Variants in SORCS2 observed in about 807,000 individuals in gnomAD.
SORCS2 encodes sortilin related VPS10 domain containing receptor 2.
SORCS2 carries 100 observed loss-of-function variants against 141.6 expected under a neutral mutation model. The observed-to-expected ratio is 0.71, with a 90% CI of 0.60 to 0.83. The LOEUF (loss-of-function observed/expected upper bound fraction) is 0.83, where lower values mean the gene tolerates loss of function less well. Ranked by LOEUF, SORCS2 falls within the 40% of genes least tolerant of loss-of-function variation. SORCS2 has a pLI of 0.00. For missense variants in SORCS2, 1,646 were observed against 1,560.2 expected (o/e 1.05, Z -0.93); for synonymous variants, 789 against 676.9 (o/e 1.17, Z -2.57).
intron 1 of SORCS2, among the ~76,000 whole-genome samples, chr4:7,309,748 TTGG>T (rs1718064534): frequency 6.6e-6 from 1 of 151,886 alleles, no homozygotes; most frequent in Non-Finnish European, 1.5e-5. Flanking sequence ...GGGACGAGAG[TTGG>T]CCCAGCTGTG....
intron 2 of SORCS2, among the ~76,000 whole-genome samples, chr4:7,515,538 C>A (rs1357461727): frequency 6.6e-6 from 1 of 152,216 alleles, no homozygotes. Flanking sequence ...GGAGGAGGAG[C>A]AGCTTCCTCA....
intron 2 of SORCS2, among the ~76,000 whole-genome samples, chr4:7,500,690 A>G (rs1731911962): frequency 6.6e-6 from 1 of 152,016 alleles, no homozygotes; most frequent in Non-Finnish European, 1.5e-5. Flanking sequence ...TGTGGGTGTG[A>G]TAGAGAGGAA....
intron 4 of SORCS2, among the ~76,000 whole-genome samples, chr4:7,645,883 C>T (rs1273871101): frequency 6.6e-6 from 1 of 152,230 alleles, no homozygotes; most frequent in Non-Finnish European, 1.5e-5. Context: ...TACACCATCT[C>T]TGTGCACCAC....
chr4:7,714,191 G>A (rs1726028787), intron 15 of SORCS2, 49 bp from the exon 16 acceptor site: 1 of 1,580,718 alleles, frequency 6.3e-7, no homozygotes, highest in African/African-American at 1.3e-5. Context: ...GCCTTGTAGA[G>A]CAGTTGCCCT....
intron 1 of SORCS2, among the ~76,000 whole-genome samples, chr4:7,374,678 G>T (rs1722517825): frequency 6.6e-6 from 1 of 152,208 alleles, no homozygotes; most frequent in East Asian, 1.9e-4. Context: ...CCCGATCGCT[G>T]AACAGCCCAC....
In SORCS2 at chr4:7,400,514, C is replaced by G. The variant is rs77576060; in HGVS notation, c.548+4159C>G. Among the ~76,000 whole-genome samples, 1,515 of 152,040 alleles carry G rather than the reference C, an allele frequency of 1.0e-2. 22 individuals are homozygous for G. The highest frequency in any genetic ancestry group is 0.035 in the African/African-American group (1,463 of 41,414). On this transcript the variant is annotated intron_variant, in intron 2 of 26. Transcript: ENST00000507866. ...CTAGAACATAGGCTGGTTGAGGATG[C>G]GAGGATGGAGACCTGCCAGGTTTAT...
chr4:7,614,704 C>T (rs1215457799), intron 3 of SORCS2, among the ~76,000 whole-genome samples: 2 of 151,710 alleles, frequency 1.3e-5, no homozygotes, highest in Admixed American at 6.6e-5. Flanking sequence ...ACCTATCCAC[C>T]CATCCACCAC....
chr4:7,458,448 T>C (rs1729063676), intron 2 of SORCS2, among the ~76,000 whole-genome samples: 1 of 152,060 alleles, frequency 6.6e-6, no homozygotes, highest in South Asian at 2.1e-4. Flanking sequence ...AAGAAGGATG[T>C]GGGGAAACCG....
At chr4:7,607,543 A>G (rs547626211) in intron 3 of SORCS2, among the ~76,000 whole-genome samples, 100 of 152,220 alleles carry the variant, frequency 6.6e-4, no homozygotes, top group African/African-American at 7.9e-4. Context: ...TCATCCTTAC[A>G]ACAGCCCTGA....
At chr4:7,473,853 G>T (rs540898511) in intron 2 of SORCS2, among the ~76,000 whole-genome samples, 23 of 152,252 alleles carry the variant, frequency 1.5e-4, no homozygotes, top group Admixed American at 9.2e-4. Flanking sequence ...GGCGGGGTCT[G>T]GGGGGAGAGG....
chr4:7,441,573 A>C (rs1011416466), intron 2 of SORCS2, among the ~76,000 whole-genome samples: 2 of 151,918 alleles, frequency 1.3e-5, no homozygotes, highest in Non-Finnish European at 2.9e-5. Flanking sequence ...TGAGAAGCCA[A>C]GGAAGGGTAG....
chr4:7,270,207 C>T (rs897429627), intron 1 of SORCS2, among the ~76,000 whole-genome samples: 10 of 152,238 alleles, frequency 6.6e-5, no homozygotes, highest in Non-Finnish European at 1.3e-4. Context: ...CATCCAGAGG[C>T]ATATGTGATG....
intron 2 of SORCS2, among the ~76,000 whole-genome samples, chr4:7,485,546 G>A (rs1440238866): frequency 1.3e-5 from 2 of 152,238 alleles, no homozygotes; most frequent in Non-Finnish European, 2.9e-5. Flanking sequence ...TCTCCCTGGC[G>A]GCTCTTGTTA....
At position 7,740,727 on chromosome 4, in the gene SORCS2, C is replaced by G. The variant is rs1322588350; in HGVS notation, c.*463C>G. On this transcript the variant is annotated 3_prime_UTR_variant, in exon 27 of 27. Coordinates refer to ENST00000507866, the MANE Select transcript of SORCS2 (RefSeq NM_020777.3). ...TCTTCACTCCCACCTGTGCGGCCAC[C>G]CAGTCCCTCTGTGGGAGCCCGGGTG... is the stretch of plus-strand genomic sequence containing the variant. The G allele has an allele frequency of 9.8e-6, 3 of 307,512 alleles. No homozygotes were observed. Among genetic ancestry groups the G allele is most frequent in the African/African-American group, 6.4e-5 (3 of 47,190 alleles). 19.0% of individuals were successfully genotyped at this position (307,512 alleles called of 1,614,324 possible).
chr4:7,496,750 A>T (rs28496923), intron 2 of SORCS2, among the ~76,000 whole-genome samples: 9,024 of 152,152 alleles, frequency 0.059, 672 homozygotes, highest in African/African-American at 0.17. Flanking sequence ...GGGAAAGTCC[A>T]CGGCGGAATC....
At chr4:7,521,899 C>T (rs367904908) in intron 2 of SORCS2, among the ~76,000 whole-genome samples, 1 of 152,236 alleles carries the variant, frequency 6.6e-6, no homozygotes, top group Non-Finnish European at 1.5e-5. Flanking sequence ...ACAGCGGCTG[C>T]GTCTTCAAGC....
chr4:7,724,991 T>C (rs1171910981), intron 19 of SORCS2, among the ~76,000 whole-genome samples, 163 bp from the exon 20 acceptor site: 1 of 143,294 alleles, frequency 7.0e-6, no homozygotes, highest in Non-Finnish European at 1.5e-5. Context: ...GAATGGATGG[T>C]GGTAGTAGTG....
At chr4:7,577,763 G>T (rs1715860909) in intron 3 of SORCS2, among the ~76,000 whole-genome samples, 1 of 148,624 alleles carries the variant, frequency 6.7e-6, no homozygotes, top group Non-Finnish European at 1.5e-5. Context: ...AAGTCATATA[G>T]CATACAGGTG....
chr4:7,194,501 C>T (rs1220087592), intron 1 of SORCS2, among the ~76,000 whole-genome samples: 2 of 152,198 alleles, frequency 1.3e-5, no homozygotes, highest in African/African-American at 2.4e-5. Flanking sequence ...CAGCATCTAT[C>T]AGGGTACAGG....
Sources: gnomAD v4.1 joint callset for allele counts (sites outside exome capture counted in the v4.1 genomes callset) on GRCh38, gnomAD v4.1.1 for gene constraint, MANE v1.5 for transcripts, NCBI Gene and HGNC (gene_info 2026-07-23, HGNC 2026-07-21) for gene names.